Variants in TMEM221 observed in about 807,000 individuals in gnomAD.
The protein encoded by TMEM221 is transmembrane protein 221.
A neutral mutation model predicts 10.2 loss-of-function variants in TMEM221; 11 were observed. The ratio of observed to expected loss-of-function variants is 1.08; its 90% CI spans 0.68 to 1.79. The LOEUF is 1.79. Among genes scored for constraint, TMEM221 ranks in the 40% most tolerant of loss-of-function variants. The pLI is 0.00. For missense variants in TMEM221, 382 were observed against 417.7 expected (o/e 0.91, Z 0.75); for synonymous variants, 172 against 199.8 (o/e 0.86, Z 1.18).
rs916765241 is a variant in TMEM221 at position 17,436,677 on chromosome 19, G to C, written c.657C>G (p.Pro219=). ...QPQQGIHRRT[P]YSTCPEPGDP... ...CCCCAGGCTCTGGACAGGTTGAATAGGGGGTCCGACGATGGATACCCTGCT... is the reference window on the plus strand; with the variant it reads ...CCCCAGGCTCTGGACAGGTTGAATACGGGGTCCGACGATGGATACCCTGCT... Residue 219 remains proline, a synonymous_variant, in exon 3 of 3, where the codon CCC becomes CCG. Transcript: ENST00000341130. The C allele has an allele frequency of 6.5e-7, 1 of 1,535,356 alleles. No individual in the cohort carries two copies. The highest frequency in any genetic ancestry group is 8.7e-7 in the Non-Finnish European group (1 of 1,146,380).
Position 17,436,413 on chromosome 19 carries a change from T to C in TMEM221, c.*45A>G, listed in dbSNP as rs570799335. On this transcript the variant is annotated 3_prime_UTR_variant, in exon 3 of 3. Coordinates refer to ENST00000341130, the MANE Select transcript of TMEM221 (RefSeq NM_001190844.2). ...GCAGCTGAACCCGAACCTATCTCTA[T>C]GGTATCCTTTTCTTACACCAGGTCT... 4,496 of 1,438,044 alleles carry C rather than the reference T, an allele frequency of 3.1e-3. 6 individuals carry two copies. The highest frequency in any genetic ancestry group is 3.9e-3 in the Non-Finnish European group (4,271 of 1,090,922). The allele number at this position is 1,438,044 out of a possible 1,614,324, so 89.1% of individuals were successfully genotyped here.
At chr19:17,445,800 A>G (rs2074950989) in intron 1 of TMEM221, among the ~76,000 whole-genome samples, 1 of 151,092 alleles carries the variant, frequency 6.6e-6, no homozygotes, top group Non-Finnish European at 1.5e-5. Flanking sequence ...TTATCCATCC[A>G]TCAAACCAGT....
At position 17,448,073 on chromosome 19, in the gene TMEM221, G is replaced by C. The variant is rs2144507341; in HGVS notation, c.320+70C>G. On this transcript the variant is annotated intron_variant, in intron 1 of 2. Transcript: ENST00000341130. The surrounding 1 kb of genome is among the most constrained non-coding windows in gnomAD (Gnocchi z 4.7). ...TCCCCCCAGCCTGAGGCCAAAAGAG[G>C]GGAAGAGGCTCAACCAGGCTCACCC... 2 of 1,226,564 alleles carry C rather than the reference G, an allele frequency of 1.6e-6. No individual in the cohort carries two copies. Among genetic ancestry groups the C allele is most frequent in the Non-Finnish European group, 2.1e-6 (2 of 971,818 alleles). 76.0% of individuals were successfully genotyped at this position (1,226,564 alleles called of 1,614,324 possible).
intron 2 of TMEM221, among the ~76,000 whole-genome samples, chr19:17,444,191 C>G (rs1231153691): frequency 6.7e-6 from 1 of 149,530 alleles, no homozygotes; most frequent in African/African-American, 2.5e-5. Context: ...AGTGATTCCC[C>G]TGCCTCAGCC....
chr19:17,446,940 T>C (rs2074955241), intron 1 of TMEM221, among the ~76,000 whole-genome samples: 2 of 152,032 alleles, frequency 1.3e-5, no homozygotes, highest in South Asian at 2.1e-4. Context: ...CTTGCTATAT[T>C]ACCCAGGCTG....
At chr19:17,437,686 C>G (rs1162727186) in intron 2 of TMEM221, among the ~76,000 whole-genome samples, 1 of 152,086 alleles carries the variant, frequency 6.6e-6, no homozygotes, top group Non-Finnish European at 1.5e-5. Context: ...CGAGATCGCA[C>G]CACTGCACTC....
intron 2 of TMEM221, among the ~76,000 whole-genome samples, chr19:17,443,883 T>A (rs1336791706): frequency 2.0e-5 from 3 of 151,932 alleles, no homozygotes; most frequent in Admixed American, 2.0e-4. Flanking sequence ...TTCATTCCTT[T>A]ACCAGCCCGG....
chr19:17,443,593 C>T (rs2074940438), intron 2 of TMEM221, among the ~76,000 whole-genome samples: 1 of 151,958 alleles, frequency 6.6e-6, no homozygotes, highest in African/African-American at 2.4e-5. Context: ...ACTTTGGCCT[C>T]CCAAAGTGCT....
intron 1 of TMEM221, among the ~76,000 whole-genome samples, chr19:17,446,205 T>TCC (rs1568399303): frequency 0.035 from 3,856 of 110,534 alleles, 155 homozygotes; most frequent in African/African-American, 0.095. Context: ...TCCATCCATC[T>TCC]ATCCATCCAT....
intron 1 of TMEM221, among the ~76,000 whole-genome samples, chr19:17,445,663 C>CATTATTT: frequency 6.6e-6 from 1 of 151,896 alleles, no homozygotes; most frequent in African/African-American, 2.4e-5. Flanking sequence ...CCCATCCATC[C>CATTATTT]ATCCATCCAT....
intron 2 of TMEM221, among the ~76,000 whole-genome samples, chr19:17,442,442 CTTTT>C (rs35930067): frequency 7.3e-6 from 1 of 137,542 alleles, no homozygotes; most frequent in Non-Finnish European, 1.6e-5. Context: ...TCTTTTCTTT[CTTTT>C]TTTTTTTTTT....
chr19:17,441,796 A>G (rs1481716675), intron 2 of TMEM221, among the ~76,000 whole-genome samples: 2 of 149,804 alleles, frequency 1.3e-5, no homozygotes, highest in African/African-American at 4.9e-5. Flanking sequence ...ATCACACTGC[A>G]TGATGTCCCA....
At chr19:17,439,368 GTGTCATTGATCTGAAA>G (rs1470708219) in intron 2 of TMEM221, among the ~76,000 whole-genome samples, 1 of 151,962 alleles carries the variant, frequency 6.6e-6, no homozygotes, top group East Asian at 1.9e-4. Flanking sequence ...AGAGTGTGAG[GTGTCATTGATCTGAAA>G]TGTCCAGAAC....
chr19:17,441,269 A>G (rs2074930767), intron 2 of TMEM221, among the ~76,000 whole-genome samples: 1 of 151,104 alleles, frequency 6.6e-6, no homozygotes, highest in Non-Finnish European at 1.5e-5. Context: ...GCCCTCCATC[A>G]GCCTCTCCAG....
intron 2 of TMEM221, chr19:17,444,767 T>C (rs1338176399): frequency 7.2e-6 from 1 of 139,510 alleles, no homozygotes; most frequent in Non-Finnish European, 1.5e-5. Context: ...TAAATATAAA[T>C]ATATATTTAT....
At chr19:17,447,393 G>C (rs2074957035) in intron 1 of TMEM221, among the ~76,000 whole-genome samples, 1 of 152,116 alleles carries the variant, frequency 6.6e-6, no homozygotes, top group Non-Finnish European at 1.5e-5. Context: ...CGCTGTCTCT[G>C]ATGCCCTGAG....
intron 2 of TMEM221, among the ~76,000 whole-genome samples, chr19:17,443,566 C>G (rs2074940312): frequency 6.6e-6 from 1 of 151,828 alleles, no homozygotes. Context: ...GAACTCCTAC[C>G]CTCAAGTGAT....
At chr19:17,439,163 C>T (rs1251187211) in intron 2 of TMEM221, among the ~76,000 whole-genome samples, 5 of 149,534 alleles carry the variant, frequency 3.3e-5, no homozygotes, top group African/African-American at 4.9e-5. Flanking sequence ...GCCGAGATCA[C>T]GCCACTGCAC....
chr19:17,442,160 G>C (rs1408027548), intron 2 of TMEM221, among the ~76,000 whole-genome samples: 1 of 152,274 alleles, frequency 6.6e-6, no homozygotes, highest in South Asian at 2.1e-4. Flanking sequence ...CTTACAGATA[G>C]AGGCATCTTT....
Sources: gnomAD v4.1 joint callset for allele counts (sites outside exome capture counted in the v4.1 genomes callset) on GRCh38, gnomAD v4.1.1 for gene constraint, Gnocchi (gnomAD v3.1) non-coding constraint, MANE v1.5 for transcripts, NCBI Gene and HGNC (gene_info 2026-07-23, HGNC 2026-07-21) for gene names.